The following SMU1 variants were observed in gnomAD, a reference collection of about 807,000 sequenced individuals.
SMU1 encodes WD40 repeat-containing protein SMU1.
A neutral mutation model predicts 62.0 loss-of-function variants in SMU1; 2 were observed. That is an observed-to-expected ratio of 0.03 (90% CI 0.01 to 0.10). SMU1 has a LOEUF of 0.10. SMU1 is among the 10% of genes least tolerant of loss of function. The pLI, the probability that SMU1 is intolerant of heterozygous loss-of-function variation, is 1.00. For missense variants in SMU1, 227 were observed against 622.1 expected, an observed-to-expected ratio of 0.36 and a Z score of 6.76; for synonymous variants, 188 against 212.4, an observed-to-expected ratio of 0.89 and a Z score of 1.00.
At chr9:33,061,918 T>C (rs1839366242) in intron 5 of SMU1, 131 bp downstream of exon 5, 5 of 994,880 alleles carry the variant, frequency 5.0e-6, no homozygotes, top group South Asian at 3.3e-5. Context: ...TGCAGCAACC[T>C]TGAATATTGT....
At chr9:33,063,295 G>A (rs1202797280) in intron 4 of SMU1, among the ~76,000 whole-genome samples, 1 of 152,100 alleles carries the variant, frequency 6.6e-6, no homozygotes, top group Non-Finnish European at 1.5e-5. Context: ...CCGGGACGCA[G>A]AGGTTGCAGT....
At chr9:33,055,292 T>C (rs760880923) in intron 9 of SMU1, among the ~76,000 whole-genome samples, 1 of 152,162 alleles carries the variant, frequency 6.6e-6, no homozygotes, top group Non-Finnish European at 1.5e-5. Context: ...TCCTTTCACC[T>C]CAGCCTCCCA....
At chr9:33,074,451 A>ACACACACACAC (rs201578552) in intron 1 of SMU1, among the ~76,000 whole-genome samples, 6 of 148,840 alleles carry the variant, frequency 4.0e-5, no homozygotes, top group African/African-American at 1.5e-4. Context: ...CACACACACA[A>ACACACACACAC]AAAAAAAAAT....
chr9:33,058,095 ACAGTTTACTGAC>A (rs1310570667), intron 6 of SMU1, among the ~76,000 whole-genome samples: 2 of 152,154 alleles, frequency 1.3e-5, no homozygotes, highest in African/African-American at 4.8e-5. Context: ...CTTTCCTGAA[ACAGTTTACTGAC>A]TAATCTATTT....
At position 33,060,702 on chromosome 9, in the gene SMU1, T is replaced by C. The variant is rs149357223; in HGVS notation, c.631-118A>G. 3.7e-5 allele frequency: 49 copies of C among 1,335,868 alleles called. 1 individual carries two copies. In the South Asian group the frequency reaches 4.1e-4, roughly 11 times the overall value. 82.8% of individuals were successfully genotyped at this position (1,335,868 alleles called of 1,614,324 possible). On this transcript the variant is annotated intron_variant, in intron 5 of 11. Transcript: ENST00000397149. ...ATAAAGTCATAGCTGGCCCATATTA[T>C]AGAGTATTGGAGGGGTATTTCTGTA...
In SMU1 at chr9:33,068,851, T is replaced by C. The variant is rs986913228; in HGVS notation, c.474A>G (p.Pro158=). The C allele has an allele frequency of 3.1e-6, 5 of 1,613,944 alleles. No individual in the cohort carries two copies. The African/African-American group carries it at 4.0e-5, about 13-fold the overall frequency. Residue 158 remains proline (P), a synonymous_variant, in exon 4 of 12, where the codon CCA becomes CCG. Coordinates refer to ENST00000397149, the MANE Select transcript of SMU1 (RefSeq NM_018225.3). ...GTCCCAGCAATGCCATGAGACGAGA[T>C]GGAGGCACCACACTGACTTCGCCAG... The part of the protein sequence containing the change: ...ALAGEVSVVP[P]SRLMALLGQA...
At chr9:33,072,840 A>AAAC (rs1160443284) in intron 2 of SMU1, among the ~76,000 whole-genome samples, 1 of 144,442 alleles carries the variant, frequency 6.9e-6, no homozygotes, top group Non-Finnish European at 1.5e-5. Flanking sequence ...AAAAAAAAAC[A>AAAC]AAAAAAAAAA....
At chr9:33,067,059 A>G (rs1839428951) in intron 4 of SMU1, among the ~76,000 whole-genome samples, 1 of 152,170 alleles carries the variant, frequency 6.6e-6, no homozygotes. Flanking sequence ...ACTAGGCAAA[A>G]GAAAAAATAA....
At chr9:33,050,794 C>G (rs1839236449) in intron 10 of SMU1, among the ~76,000 whole-genome samples, 1 of 150,128 alleles carries the variant, frequency 6.7e-6, no homozygotes, top group African/African-American at 2.5e-5. Context: ...CCACTGCACT[C>G]CAGCCTGGGG....
chr9:33,070,561 A>T (rs1280593196), intron 3 of SMU1, among the ~76,000 whole-genome samples: 1 of 152,250 alleles, frequency 6.6e-6, no homozygotes, highest in Non-Finnish European at 1.5e-5. Context: ...TCAGTATATC[A>T]AAGAGATATC....
In SMU1 at chr9:33,042,371, CAG is replaced by C. The variant is rs1311327739; in HGVS notation, c.*4920_*4921del. On this transcript the variant is annotated 3_prime_UTR_variant, in exon 12 of 12. Coordinates refer to ENST00000397149, the MANE Select transcript of SMU1 (RefSeq NM_018225.3). ...CTATGAAAAAACAAAGCCTATGAAA[CAG>C]AGCCTATGAAAAAACATTAACCAAG... is the stretch of plus-strand genomic sequence containing the variant. 1 of 152,600 alleles carries C rather than the reference CAG, an allele frequency of 6.6e-6. No homozygotes were observed. The highest frequency in any genetic ancestry group is 2.4e-5 in the African/African-American group (1 of 41,422). 9.5% of individuals were successfully genotyped at this position (152,600 alleles called of 1,614,324 possible). A position where few individuals can be genotyped will look rare whatever the true frequency, so the allele number is the denominator to read the frequency against.
intron 8 of SMU1, 139 bp from the exon 9 acceptor site, chr9:33,056,378 C>T (rs934104456): frequency 9.4e-5 from 81 of 865,124 alleles, no homozygotes; most frequent in East Asian, 1.7e-4. Flanking sequence ...ATTGTGTATA[C>T]GGTGTAATTT....
intron 4 of SMU1, among the ~76,000 whole-genome samples, chr9:33,065,729 G>A (rs952031703): frequency 2.6e-5 from 4 of 152,180 alleles, no homozygotes; most frequent in Non-Finnish European, 5.9e-5. Flanking sequence ...GTCTGCATAA[G>A]GAGCATTTAG....
In SMU1 at chr9:33,051,099, C is replaced by T. The variant is rs554933634; in HGVS notation, c.1290+2024G>A. Among the ~76,000 whole-genome samples, 4 of 64,644 alleles carry T rather than the reference C, an allele frequency of 6.2e-5. 1 individual carries two copies. Among genetic ancestry groups the T allele is most frequent in the East Asian group, 5.5e-4 (2 of 3,618 alleles). The allele number at this position is 64,644 out of a possible 152,430, so 42.4% of individuals were successfully genotyped here. On this transcript the variant is annotated intron_variant, in intron 10 of 11. Coordinates refer to ENST00000397149, the MANE Select transcript of SMU1 (RefSeq NM_018225.3). ...TCGCGCCACTGCACTCCAGCCTGGGCGACAGAGCGAGACTCTGTCTCAAAA... is the reference window on the plus strand; with the variant it reads ...TCGCGCCACTGCACTCCAGCCTGGGTGACAGAGCGAGACTCTGTCTCAAAA...
chr9:33,071,628 TAAATC>T (rs1486116309), intron 3 of SMU1, 107 bp downstream of exon 3: 1 of 1,091,192 alleles, frequency 9.2e-7, no homozygotes, highest in East Asian at 2.8e-5. Flanking sequence ...TCTCAAAAAT[TAAATC>T]AAAATCACAA....
rs1189996941 is a variant in SMU1, at chr9:33,042,615, C to G, written c.*4678G>C. The G allele has an allele frequency of 6.6e-6, 1 of 152,132 alleles. No individual in the cohort carries two copies. Among genetic ancestry groups the G allele is most frequent in the Non-Finnish European group, 1.5e-5 (1 of 68,018 alleles). 9.4% of individuals were successfully genotyped at this position (152,132 alleles called of 1,614,324 possible). Reference sequence around the variant, plus strand: ...TTAACCTTGGCTACCATTGGAATTACCCGGGAAACATTAAAACACTCATCA... The same window carrying G: ...TTAACCTTGGCTACCATTGGAATTAGCCGGGAAACATTAAAACACTCATCA... On this transcript the variant is annotated 3_prime_UTR_variant, in exon 12 of 12. Coordinates refer to ENST00000397149, the MANE Select transcript of SMU1 (RefSeq NM_018225.3).
In SMU1 at chr9:33,059,578, G is replaced by A. The variant is rs576811686; in HGVS notation, c.750+887C>T. On this transcript the variant is annotated intron_variant, in intron 6 of 11. Transcript: ENST00000397149. Reference sequence around the variant, plus strand: ...GCACTCCAGCCTGGGCCACAAGGGCGAAACTCTGTTTTGTTTTGTTTTGTT... The same window carrying A: ...GCACTCCAGCCTGGGCCACAAGGGCAAAACTCTGTTTTGTTTTGTTTTGTT... Among the ~76,000 whole-genome samples, 224 of 147,900 alleles carry A rather than the reference G, an allele frequency of 1.5e-3. 1 individual carries two copies. The highest frequency in any genetic ancestry group is 5.5e-3 in the African/African-American group (217 of 39,574).
intron 2 of SMU1, among the ~76,000 whole-genome samples, 164 bp from the exon 3 acceptor site, chr9:33,072,056 G>C (rs1839492691): frequency 6.6e-6 from 1 of 152,150 alleles, no homozygotes; most frequent in African/African-American, 2.4e-5. Context: ...TGGACTTGGT[G>C]GGCTTGGTGG....
intron 7 of SMU1, 114 bp downstream of exon 7, chr9:33,057,484 C>A (rs1478874077): frequency 1.5e-6 from 2 of 1,292,416 alleles, no homozygotes; most frequent in Non-Finnish European, 1.1e-6. Context: ...TAGCATAAAG[C>A]TGATGCTCAA....
Sources: gnomAD v4.1 joint callset for allele counts (sites outside exome capture counted in the v4.1 genomes callset) on GRCh38, gnomAD v4.1.1 for gene constraint, MANE v1.5 for transcripts, NCBI Gene and HGNC (gene_info 2026-07-23, HGNC 2026-07-21) for gene names.